ZNF799: variants seen among roughly 807,000 people sequenced by gnomAD.
ZNF799 encodes zinc finger protein 799, also known as zinc finger protein 14.
ZNF799 carries 28 observed loss-of-function variants against 41.0 expected under a neutral mutation model. The ratio of observed to expected loss-of-function variants is 0.68; its 90% CI spans 0.51 to 0.94. ZNF799 has a LOEUF of 0.94. Among genes scored for constraint, ZNF799 ranks in the 40% least tolerant of loss-of-function variants. The pLI, the probability that ZNF799 is intolerant of heterozygous loss-of-function variation, is 0.00. For synonymous variants in ZNF799, 213 were observed against 252.9 expected (o/e 0.84, Z 1.50); for missense variants, 716 against 764.3 (o/e 0.94, Z 0.74).
chr19:12,411,534 A>G, the ZNF799 span, among the ~76,000 whole-genome samples: 1 of 152,144 alleles, frequency 6.6e-6, no homozygotes, highest in African/African-American at 2.4e-5. Flanking sequence ...CACATACAAT[A>G]ATCAACTCAC....
the ZNF799 span, among the ~76,000 whole-genome samples, chr19:12,412,486 C>A: frequency 5.3e-5 from 8 of 151,240 alleles, no homozygotes; most frequent in African/African-American, 1.9e-4. Context: ...TCAAAGCTCT[C>A]TTTGTAGGAT....
In ZNF799 at chr19:12,391,098, T is replaced by C. The variant is rs772279828; in HGVS notation, c.1300A>G (p.Ser434Gly). Residue 434 changes from serine (S) to glycine (G), a missense_variant, in exon 4 of 4, where the codon AGT becomes GGT. This residue lies in a region of ZNF799 where 698 missense variants were observed against 713.6 expected (regional missense o/e 0.98). Transcript: ENST00000430385. ...GTTGTTTCATGCCTTCGAAGAGAAC[T>C]GGAAATACGGTAGGCTTTGCCACAT... ...KQCGKAYRIS[S>G]SLRRHETTHT... is the part of the protein sequence containing the mutation. 5 of 1,614,186 alleles carry C rather than the reference T, an allele frequency of 3.1e-6. No homozygotes were observed. In the South Asian group the frequency reaches 4.4e-5, roughly 14 times the overall value.
At chr19:12,413,508 CA>C in the ZNF799 span, among the ~76,000 whole-genome samples, 1 of 152,120 alleles carries the variant, frequency 6.6e-6, no homozygotes, top group Non-Finnish European at 1.5e-5. Flanking sequence ...TGAAAGCCCA[CA>C]AGGGAAAAAT....
chr19:12,394,864 A>G (rs781070483), intron 1 of ZNF799: 416 of 985,186 alleles, frequency 4.2e-4, no homozygotes, highest in Non-Finnish European at 4.7e-4. Flanking sequence ...AAAAACAAAT[A>G]AAGGATTTTA....
At chr19:12,397,688 T>C (rs548189644) in intron 1 of ZNF799, among the ~76,000 whole-genome samples, 4 of 149,064 alleles carry the variant, frequency 2.7e-5, no homozygotes, top group Non-Finnish European at 6.0e-5. Context: ...AAAAAGGAAG[T>C]TGAAAAAAAC....
At chr19:12,394,986 T>A in intron 1 of ZNF799, 9 of 553,994 alleles carry the variant, frequency 1.6e-5, no homozygotes, top group Non-Finnish European at 2.1e-5. Context: ...TCCCTCCCCC[T>A]ATCAATACCA....
Position 12,390,472 on chromosome 19 carries a change from A to G in ZNF799, c.1926T>C (p.Thr642=). Residue 642 remains threonine, a synonymous_variant, in exon 4 of 4, where the codon ACT becomes ACC. Coordinates refer to ENST00000430385, the MANE Select transcript of ZNF799 (RefSeq NM_001080821.3). ...CATACATTTAGAGAGAATGCTAGTG[A>G]GTCTTTTTATGTCTATGCAAGGAAC... ...SLSSLHRHKK[T]H is the part of the protein sequence containing the mutation. 3 of 1,613,868 alleles carry G rather than the reference A, an allele frequency of 1.9e-6. No homozygotes were observed. Among genetic ancestry groups the G allele is most frequent in the Non-Finnish European group, 2.5e-6 (3 of 1,179,848 alleles).
chr19:12,391,823 C>A lies in ZNF799; in HGVS notation c.575G>T (p.Arg192Leu). 6.2e-6 allele frequency: 10 copies of A among 1,614,160 alleles called. No individual in the cohort carries two copies. Among genetic ancestry groups the A allele is most frequent in the Non-Finnish European group, 8.5e-6 (10 of 1,180,002 alleles). The change falls in exon 4 of 4, where the codon CGT becomes CTT. Residue 192 changes from arginine (R) to leucine (L), a missense_variant. Around this residue, in one of 2 missense-constraint regions of ZNF799, gnomAD observed 698 missense variants for 713.6 expected, o/e 0.98. Coordinates refer to ENST00000430385, the MANE Select transcript of ZNF799 (RefSeq NM_001080821.3). ...CTTACATTTATAAGGTCCATCTCCA[C>A]GCTGCACTGCCATGTGTCTTTGAAG... ...GNLQRHMAVQ[R>L]GDGPYKCKLC... is the part of the protein sequence containing the mutation.
At chr19:12,394,913 A>C in intron 1 of ZNF799, 2 of 973,428 alleles carry the variant, frequency 2.1e-6, no homozygotes, top group Non-Finnish European at 2.4e-6. Flanking sequence ...ATAAATATAT[A>C]TATAAAGAAA....
At chr19:12,412,690 A>T in the ZNF799 span, among the ~76,000 whole-genome samples, 2 of 152,076 alleles carry the variant, frequency 1.3e-5, no homozygotes, top group Non-Finnish European at 2.9e-5. Flanking sequence ...CTTCCAAATT[A>T]ATCTACCTGG....
chr19:12,409,746 T>C, the ZNF799 span, among the ~76,000 whole-genome samples: 3 of 152,122 alleles, frequency 2.0e-5, no homozygotes, highest in African/African-American at 7.2e-5. Context: ...AGAAACACAG[T>C]TGAAAATCTT....
At chr19:12,411,612 GT>G in the ZNF799 span, among the ~76,000 whole-genome samples, 1 of 131,742 alleles carries the variant, frequency 7.6e-6, no homozygotes. Context: ...TTGGTTTTTC[GT>G]TTTTGTTTTT....
At chr19:12,402,693 A>G (rs999830579), upstream of ZNF799, among the ~76,000 whole-genome samples, 6 of 152,018 alleles carry the variant, frequency 3.9e-5, no homozygotes, top group African/African-American at 1.4e-4. Flanking sequence ...TGAAATGATT[A>G]TATGGTGTTT....
upstream of ZNF799, among the ~76,000 whole-genome samples, chr19:12,403,250 TG>T: frequency 6.6e-6 from 1 of 152,324 alleles, no homozygotes; most frequent in Admixed American, 6.5e-5. Flanking sequence ...AATGATCCTT[TG>T]AATTTCTGCA....
chr19:12,413,867 G>A, the ZNF799 span, among the ~76,000 whole-genome samples: 12 of 152,180 alleles, frequency 7.9e-5, no homozygotes, highest in Non-Finnish European at 1.5e-4. Flanking sequence ...GTAGTCGCCC[G>A]TAGGGAAGTC....
chr19:12,409,926 C>A, the ZNF799 span, among the ~76,000 whole-genome samples: 1 of 152,140 alleles, frequency 6.6e-6, no homozygotes, highest in East Asian at 1.9e-4. Context: ...GTGGGTGAAT[C>A]ACTTGAGGTC....
intron 3 of ZNF799, 29 bp downstream of exon 3, chr19:12,392,574 C>T (rs1301150475): frequency 1.3e-6 from 2 of 1,541,818 alleles, no homozygotes; most frequent in Admixed American, 1.7e-5. Context: ...GCTCCAGGGA[C>T]ATATCTTTCT....
chr19:12,410,894 C>T, the ZNF799 span, among the ~76,000 whole-genome samples: 1,707 of 152,192 alleles, frequency 0.011, 36 homozygotes, highest in African/African-American at 0.039. Flanking sequence ...GTAATACGAA[C>T]GGGCATAATC....
rs1193072983 is a variant in ZNF799, at chr19:12,391,159, C to T, written c.1239G>A (p.Lys413=). ...TATAGGGTTTCTCTGCAGTGTGAGT[C>T]TTTTCATGCCTTTGAAATACACTGG... is the stretch of plus-strand genomic sequence containing the variant. ...VYPSVFQRHE[K]THTAEKPYKC... is the part of the protein sequence containing the mutation. The change falls in exon 4 of 4, where the codon AAG becomes AAA. Residue 413 remains lysine (K), a synonymous_variant. Coordinates refer to ENST00000430385, the MANE Select transcript of ZNF799 (RefSeq NM_001080821.3). The T allele has an allele frequency of 6.2e-7, 1 of 1,614,014 alleles. No homozygotes were observed. Among genetic ancestry groups the T allele is most frequent in the Non-Finnish European group, 8.5e-7 (1 of 1,180,016 alleles).
Sources: gnomAD v4.1 joint callset for allele counts (sites outside exome capture counted in the v4.1 genomes callset) on GRCh38, gnomAD v4.1.1 for gene constraint, gnomAD v4.1.1 regional missense constraint, MANE v1.5 for transcripts, NCBI Gene and HGNC (gene_info 2026-07-23, HGNC 2026-07-21) for gene names.